Variants in RBFOX1 observed in about 807,000 individuals in gnomAD.
RBFOX1 encodes RNA binding protein fox-1 homolog 1.
In RBFOX1, 8 loss-of-function variants were observed where a neutral mutation model predicts 57.7. The observed-to-expected ratio is 0.14, with a 90% CI of 0.08 to 0.25. RBFOX1 has a LOEUF of 0.25. Among genes scored for constraint, RBFOX1 ranks in the 10% least tolerant of loss-of-function variants. The probability of loss-of-function intolerance (pLI) is 1.00; values close to 1 mark genes in which losing one functional copy is unlikely to be tolerated. For synonymous variants in RBFOX1, 326 were observed against 222.4 expected, an observed-to-expected ratio of 1.47 and a Z score of -4.15; for missense variants, 611 against 548.5, an observed-to-expected ratio of 1.11 and a Z score of -1.14.
At chr16:7,641,747 G>T (rs545325110) in intron 11 of RBFOX1, among the ~76,000 whole-genome samples, 2 of 152,290 alleles carry the variant, frequency 1.3e-5, no homozygotes, top group African/African-American at 4.8e-5. Context: ...GCTGGATTCA[G>T]GAAAGTCTGG....
chr16:7,244,787 C>T (rs989336143), intron 4 of RBFOX1, among the ~76,000 whole-genome samples: 1 of 152,190 alleles, frequency 6.6e-6, no homozygotes, highest in Non-Finnish European at 1.5e-5. Flanking sequence ...AGGAGGCAGG[C>T]TGGGTCATCA....
intron 2 of RBFOX1, among the ~76,000 whole-genome samples, chr16:6,626,158 C>T (rs1397639678): frequency 2.0e-5 from 3 of 147,832 alleles, no homozygotes; most frequent in African/African-American, 5.0e-5. Flanking sequence ...TTTTTTTTTC[C>T]CAAATTGCAT....
intron 1 of RBFOX1, among the ~76,000 whole-genome samples, chr16:6,224,364 C>A (rs1042037403): frequency 6.6e-6 from 1 of 151,970 alleles, no homozygotes; most frequent in Non-Finnish European, 1.5e-5. Flanking sequence ...TGTTTGTATC[C>A]TTTTTTATTT....
chr16:7,071,597 G>T (rs974526813), intron 4 of RBFOX1, among the ~76,000 whole-genome samples: 1 of 150,686 alleles, frequency 6.6e-6, no homozygotes, highest in Non-Finnish European at 1.5e-5. Context: ...ATGTGTGTGT[G>T]TGTGTGTGTG....
chr16:5,400,291 G>A (rs491294), intron 1 of RBFOX1, among the ~76,000 whole-genome samples: 7 of 151,162 alleles, frequency 4.6e-5, no homozygotes, highest in African/African-American at 1.7e-4. Flanking sequence ...TGGGATTTCA[G>A]CATGTTGGTC....
intron 1 of RBFOX1, among the ~76,000 whole-genome samples, chr16:5,252,631 T>C (rs1446247704): frequency 1.3e-5 from 2 of 152,194 alleles, no homozygotes; most frequent in Non-Finnish European, 2.9e-5. Flanking sequence ...GTCCAGCACC[T>C]GCCTGCTCCT....
intron 1 of RBFOX1, among the ~76,000 whole-genome samples, chr16:5,409,701 G>A (rs943281931): frequency 6.6e-6 from 1 of 152,094 alleles, no homozygotes; most frequent in Admixed American, 6.6e-5. Context: ...AGAAATAAAC[G>A]TGTAGAGTGA....
intron 3 of RBFOX1, among the ~76,000 whole-genome samples, chr16:6,793,601 C>G (rs1054614113): frequency 4.5e-4 from 68 of 152,130 alleles, no homozygotes; most frequent in Non-Finnish European, 7.5e-4. Context: ...TCATTCTTCA[C>G]AAGAGCAAAC....
chr16:5,254,562 A>G (rs1003272567), intron 1 of RBFOX1, among the ~76,000 whole-genome samples: 26 of 152,190 alleles, frequency 1.7e-4, no homozygotes, highest in African/African-American at 6.0e-4. Context: ...ATGCAAAATT[A>G]ACACTTCTCT....
At chr16:7,017,892 A>G (rs9934943) in intron 3 of RBFOX1, among the ~76,000 whole-genome samples, 123,831 of 152,092 alleles carry the variant, frequency 0.81, 51,088 homozygotes, top group East Asian at 0.94. Context: ...TAGCAACAAC[A>G]GAGAGATGAA....
chr16:7,166,126 G>C (rs1243385708), intron 4 of RBFOX1, among the ~76,000 whole-genome samples: 1 of 152,086 alleles, frequency 6.6e-6, no homozygotes, highest in Non-Finnish European at 1.5e-5. Flanking sequence ...TGATTCTCCT[G>C]CTTCAGCCTT....
At chr16:5,811,085 A>C (rs375810071) in intron 3 of RBFOX1, among the ~76,000 whole-genome samples, 4 of 151,320 alleles carry the variant, frequency 2.6e-5, no homozygotes, top group South Asian at 4.2e-4. Flanking sequence ...TGCTTTCTAA[A>C]TCCGTACATT....
chr16:5,527,462 G>C (rs912876799), intron 2 of RBFOX1, among the ~76,000 whole-genome samples: 1 of 152,216 alleles, frequency 6.6e-6, no homozygotes, highest in African/African-American at 2.4e-5. Context: ...TTGGAAGCAA[G>C]ATGAAAAGAG....
intron 13 of RBFOX1, among the ~76,000 whole-genome samples, chr16:7,676,005 T>G (rs549133460): frequency 6.6e-6 from 1 of 152,360 alleles, no homozygotes; most frequent in African/African-American, 2.4e-5. Flanking sequence ...TCGTCCTCTT[T>G]GCTTAATTGA....
chr16:6,721,044 C>G (rs532793187), intron 3 of RBFOX1, among the ~76,000 whole-genome samples: 81 of 152,298 alleles, frequency 5.3e-4, no homozygotes, highest in African/African-American at 1.9e-3. Flanking sequence ...CAGGCATAGT[C>G]TGTTCACAAT....
intron 13 of RBFOX1, among the ~76,000 whole-genome samples, chr16:7,670,806 A>T (rs1293350493): frequency 1.3e-5 from 2 of 152,156 alleles, no homozygotes; most frequent in African/African-American, 4.8e-5. Context: ...TTTTATTTCA[A>T]ACTGTGACCA....
In RBFOX1 at chr16:6,257,180, C is replaced by T. The variant is rs551305047; in HGVS notation, c.-126-59815C>T. Among the ~76,000 whole-genome samples, 6 of 152,126 alleles carry T rather than the reference C, an allele frequency of 3.9e-5. No homozygotes were observed. The South Asian group carries it at 1.2e-3, about 32-fold the overall frequency. On this transcript the variant is annotated intron_variant, in intron 1 of 15. Coordinates refer to ENST00000550418, the MANE Select transcript of RBFOX1 (RefSeq NM_018723.4). ...GGTTTGTTCCACAGGTAAACATGTG[C>T]CACAGTGGTTTGCTGCACCTATGAA...
intron 4 of RBFOX1, among the ~76,000 whole-genome samples, chr16:7,125,492 A>G (rs984881721): frequency 6.6e-6 from 1 of 152,164 alleles, no homozygotes; most frequent in Non-Finnish European, 1.5e-5. Flanking sequence ...GCAGTTTTCT[A>G]GTTTGAAGTT....
intron 3 of RBFOX1, among the ~76,000 whole-genome samples, chr16:6,750,020 G>C (rs570990206): frequency 6.6e-6 from 1 of 152,092 alleles, no homozygotes; most frequent in Non-Finnish European, 1.5e-5. Flanking sequence ...GTCTTGGGTT[G>C]GAAAGTCATC....
Sources: allele counts gnomAD v4.1 joint callset (sites outside exome capture counted in the v4.1 genomes callset), GRCh38; gene constraint gnomAD v4.1.1; transcripts MANE v1.5; gene names NCBI Gene and HGNC (gene_info 2026-07-23, HGNC 2026-07-21).